The following JAKMIP1 variants were observed in gnomAD, a reference collection of about 807,000 sequenced individuals.
JAKMIP1 encodes the protein janus kinase and microtubule-interacting protein 1.
JAKMIP1 carries 33 observed loss-of-function variants against 113.0 expected under a neutral mutation model. The observed-to-expected ratio is 0.29, with a 90% CI of 0.22 to 0.39. The LOEUF (loss-of-function observed/expected upper bound fraction) is 0.39, where lower values mean the gene tolerates loss of function less well. Among genes scored for constraint, JAKMIP1 ranks in the 10% least tolerant of loss-of-function variants. The pLI, the probability that JAKMIP1 is intolerant of heterozygous loss-of-function variation, is 1.00. For missense variants in JAKMIP1, 813 were observed against 1,080.5 expected (o/e 0.75, Z 3.47); for synonymous variants, 480 against 459.9 (o/e 1.04, Z -0.56).
intron 19 of JAKMIP1, among the ~76,000 whole-genome samples, chr4:6,032,017 A>G (rs867182208): frequency 6.6e-6 from 1 of 152,148 alleles, no homozygotes; most frequent in Non-Finnish European, 1.5e-5. Flanking sequence ...CCTCACATGC[A>G]GGGCGGCCGA....
intron 3 of JAKMIP1, among the ~76,000 whole-genome samples, chr4:6,105,268 T>C (rs1713708862): frequency 6.6e-6 from 1 of 152,210 alleles, no homozygotes; most frequent in Non-Finnish European, 1.5e-5. Flanking sequence ...TAAGCTCCTT[T>C]GACAAATGGG....
chr4:6,036,866 G>C (rs1158443599), intron 18 of JAKMIP1, among the ~76,000 whole-genome samples: 1 of 152,210 alleles, frequency 6.6e-6, no homozygotes, highest in Non-Finnish European at 1.5e-5. Context: ...GTGGTATAGA[G>C]AAACCATGAG....
rs996282368 is a variant in JAKMIP1 at position 6,049,678 on chromosome 4, G to A, written c.1962+141C>T. 7.5e-6 allele frequency: 5 copies of A among 663,808 alleles called. No homozygotes were observed. Among genetic ancestry groups the A allele is most frequent in the East Asian group, 5.5e-5 (2 of 36,358 alleles). 41.1% of individuals were successfully genotyped at this position (663,808 alleles called of 1,614,324 possible). ...AACCCCACCACCCACACAGGAACAC[G>A]GCCATACAAAAGCCTTACATTGTAC... On this transcript the variant is annotated intron_variant, in intron 15 of 20. Transcript: ENST00000409021. This position sits in a 1 kb window ranked among gnomAD's most constrained non-coding sequence, Gnocchi z 7.0.
chr4:6,041,406 A>C (rs372010013), intron 17 of JAKMIP1, among the ~76,000 whole-genome samples: 2 of 152,180 alleles, frequency 1.3e-5, no homozygotes, highest in South Asian at 2.1e-4. Flanking sequence ...CTCTTGCCAC[A>C]CCACACCCTG....
At chr4:6,085,329 C>A in intron 4 of JAKMIP1, 91 bp downstream of exon 4, 1 of 1,070,804 alleles carries the variant, frequency 9.3e-7, no homozygotes, top group Non-Finnish European at 1.4e-6. Context: ...TGAATACATG[C>A]CACCTCAGAG....
Position 6,162,013 on chromosome 4 carries a change from A to G in JAKMIP1, c.-148+38240T>C, listed in dbSNP as rs6857568. ...GGTGTCTGCCTCACACCACGGGTAC[A>G]TGGTGCCTCCTTGATGGAGCCGAGC... is the stretch of plus-strand genomic sequence containing the variant. On this transcript the variant is annotated intron_variant, in intron 1 of 20. Transcript: ENST00000409021. The surrounding 1 kb of genome is among the most constrained non-coding windows in gnomAD (Gnocchi z 5.6). 0.51 allele frequency among the ~76,000 whole-genome samples: 77,258 copies of G among 152,060 alleles called. 21,791 individuals are homozygous for G. The highest frequency in any genetic ancestry group is 0.78 in the East Asian group (4,004 of 5,156).
chr4:6,136,297 A>C lies in JAKMIP1; in HGVS notation c.-147-23300T>G, dbSNP rs1719229601. ...ACCAAAGTGCTTGACGTCTAAATGC[A>C]GGCATCTGTGAATCCATATTTCAGT... On this transcript the variant is annotated intron_variant, in intron 1 of 20. Transcript: ENST00000409021. The surrounding 1 kb of genome is among the most constrained non-coding windows in gnomAD (Gnocchi z 5.9). 1.3e-5 allele frequency among the ~76,000 whole-genome samples: 2 copies of C among 152,148 alleles called. No homozygotes were observed. The highest frequency in any genetic ancestry group is 1.3e-4 in the Admixed American group (2 of 15,278).
chr4:6,109,364 A>G (rs1714527786), intron 2 of JAKMIP1, among the ~76,000 whole-genome samples: 1 of 151,526 alleles, frequency 6.6e-6, no homozygotes, highest in Non-Finnish European at 1.5e-5. Flanking sequence ...CGATCTCCTG[A>G]CCTCATTATC....
At chr4:6,063,582 A>G (rs1717626775) in intron 9 of JAKMIP1, among the ~76,000 whole-genome samples, 1 of 152,134 alleles carries the variant, frequency 6.6e-6, no homozygotes, top group Non-Finnish European at 1.5e-5. Flanking sequence ...GTGAGAAAGG[A>G]TGTCCAGGGG....
At chr4:6,070,201 G>A (rs1718763524) in intron 8 of JAKMIP1, 1 of 398,370 alleles carries the variant, frequency 2.5e-6, no homozygotes, top group Non-Finnish European at 4.4e-6. Flanking sequence ...CCCTGTGCGT[G>A]GGCTTAGGCA....
chr4:6,032,675 AACAAAAC>A (rs1417786087), intron 19 of JAKMIP1, among the ~76,000 whole-genome samples: 1 of 136,108 alleles, frequency 7.3e-6, no homozygotes, highest in Middle Eastern at 3.3e-3. Flanking sequence ...AACAAAACAA[AACAAAAC>A]AAAACAAAAC....
At position 6,147,466 on chromosome 4, in the gene JAKMIP1, A is replaced by G. The variant is rs992899762; in HGVS notation, c.-147-34469T>C. ...ATAGCTGAGGCCAGGCTGGGCTCTG[A>G]CTGACAGCCTCGTCTGTCTCCCAGG... is the stretch of plus-strand genomic sequence containing the variant. On this transcript the variant is annotated intron_variant, in intron 1 of 20. Coordinates refer to ENST00000409021, the MANE Select transcript of JAKMIP1 (RefSeq NM_001099433.2). Among the ~76,000 whole-genome samples, 7 of 152,196 alleles carry G rather than the reference A, an allele frequency of 4.6e-5. No homozygotes were observed. In the South Asian group the frequency reaches 1.2e-3, roughly 27 times the overall value.
intron 3 of JAKMIP1, among the ~76,000 whole-genome samples, chr4:6,099,095 G>A (rs917580577): frequency 6.6e-6 from 1 of 152,174 alleles, no homozygotes; most frequent in Non-Finnish European, 1.5e-5. Flanking sequence ...TGCTCACAGA[G>A]CATGTTTTCT....
chr4:6,190,094 C>A (rs1248203348), intron 1 of JAKMIP1, among the ~76,000 whole-genome samples: 2 of 152,124 alleles, frequency 1.3e-5, no homozygotes, highest in Non-Finnish European at 2.9e-5. Context: ...GGTGTCTCCC[C>A]ACTCCTGGGG....
chr4:6,095,537 T>C (rs886280321), intron 3 of JAKMIP1, among the ~76,000 whole-genome samples: 1 of 152,188 alleles, frequency 6.6e-6, no homozygotes, highest in African/African-American at 2.4e-5. Context: ...TCCTGTTTTT[T>C]AACCTTCTGT....
intron 10 of JAKMIP1, 128 bp downstream of exon 10, chr4:6,062,184 A>T: frequency 1.0e-6 from 1 of 974,256 alleles, no homozygotes; most frequent in Non-Finnish European, 1.6e-6. Context: ...AGACCTTGCT[A>T]TGGGTTCCCC....
intron 8 of JAKMIP1, among the ~76,000 whole-genome samples, chr4:6,068,930 T>C (rs974568787): frequency 2.0e-5 from 3 of 152,226 alleles, no homozygotes; most frequent in Admixed American, 6.5e-5. Context: ...TTTATAACAC[T>C]GGGTTAGTTT....
rs1720273531 is a variant in JAKMIP1 at position 6,142,301 on chromosome 4, C to T, written c.-147-29304G>A. On this transcript the variant is annotated intron_variant, in intron 1 of 20. Transcript: ENST00000409021. This position sits in a 1 kb window ranked among gnomAD's most constrained non-coding sequence, Gnocchi z 5.5. The stretch of plus-strand genomic sequence containing the variant: ...CAAACGCTGCAAAGTTTCGAAGAGG[C>T]TCGTACCCATGTATGCCCGCACAGG... 1.3e-5 allele frequency among the ~76,000 whole-genome samples: 2 copies of T among 152,154 alleles called. No individual in the cohort carries two copies. Among genetic ancestry groups the T allele is most frequent in the African/African-American group, 4.8e-5 (2 of 41,426 alleles).
At position 6,031,542 on chromosome 4, in the gene JAKMIP1, C is replaced by T. The variant is rs573061340; in HGVS notation, c.2380-1761G>A. 8.7e-4 allele frequency among the ~76,000 whole-genome samples: 132 copies of T among 152,186 alleles called. No individual in the cohort carries two copies. The highest frequency in any genetic ancestry group is 3.0e-3 in the African/African-American group (123 of 41,522). On this transcript the variant is annotated intron_variant, in intron 19 of 20. Transcript: ENST00000409021. This position sits in a 1 kb window ranked among gnomAD's most constrained non-coding sequence, Gnocchi z 4.4. ...GGAAAGGAATTCCAGGCAGAGGGAA[C>T]GGCATGTGCAGGAGGCCAAGAGGCC...
Sources: gnomAD v4.1 joint callset for allele counts (sites outside exome capture counted in the v4.1 genomes callset) on GRCh38, gnomAD v4.1.1 for gene constraint, Gnocchi (gnomAD v3.1) non-coding constraint, MANE v1.5 for transcripts, NCBI Gene and HGNC (gene_info 2026-07-23, HGNC 2026-07-21) for gene names.